Variants in CACNA1S observed in about 807,000 individuals in gnomAD.
CACNA1S encodes the protein voltage-dependent L-type calcium channel subunit alpha-1S.
Under a neutral mutation model 207.4 loss-of-function variants are expected in CACNA1S, and 126 were observed. The ratio of observed to expected loss-of-function variants is 0.61; its 90% CI spans 0.53 to 0.70. CACNA1S has a LOEUF of 0.70. Ranked by LOEUF, CACNA1S falls within the 30% of genes least tolerant of loss-of-function variation. The pLI is 0.00. For synonymous variants in CACNA1S, 960 were observed against 932.7 expected (o/e 1.03, Z -0.53); for missense variants, 2,349 against 2,422.8 (o/e 0.97, Z 0.64).
intron 10 of CACNA1S, among the ~76,000 whole-genome samples, chr1:201,081,004 C>T (rs1380574240): frequency 6.6e-6 from 1 of 152,180 alleles, no homozygotes; most frequent in Non-Finnish European, 1.5e-5. Context: ...TGATTTTTCA[C>T]TTGAGACATT....
At chr1:201,047,389 G>A (rs1660505017) in intron 37 of CACNA1S, 136 bp downstream of exon 37, 1 of 1,265,638 alleles carries the variant, frequency 7.9e-7, no homozygotes, top group Non-Finnish European at 1.1e-6. Context: ...CCTGAGGTTG[G>A]ATGCCCGTGG....
intron 32 of CACNA1S, 86 bp downstream of exon 32, chr1:201,052,471 C>CACA: frequency 9.3e-7 from 1 of 1,074,502 alleles, no homozygotes. Context: ...ACCCATGAAG[C>CACA]CAGCCCTGGC....
chr1:201,079,717 A>C (rs963980625), intron 10 of CACNA1S, among the ~76,000 whole-genome samples: 1 of 152,174 alleles, frequency 6.6e-6, no homozygotes, highest in Admixed American at 6.5e-5. Context: ...CAAACATTGA[A>C]AGGAACTGGC....
Position 201,112,213 on chromosome 1 carries a change from C to A in CACNA1S, c.127G>T (p.Ala43Ser). The change falls in exon 1 of 44, where the codon GCC becomes TCC. Residue 43 changes from alanine to serine, a missense_variant. Transcript: ENST00000362061. The stretch of plus-strand genomic sequence containing the variant: ...TTCCATTCTACAATGCTGATGCAGG[C>A]CTTCCTCAGGGGGTTCTCCAGGGTC... ...CLTLENPLRK[A>S]CISIVEWKPF... 6.2e-7 allele frequency: 1 copy of A among 1,613,934 alleles called. No individual in the cohort carries two copies. Among genetic ancestry groups the A allele is most frequent in the South Asian group, 1.1e-5 (1 of 91,082 alleles).
chr1:201,081,865 C>T (rs1367299647), intron 10 of CACNA1S, among the ~76,000 whole-genome samples: 3 of 152,158 alleles, frequency 2.0e-5, no homozygotes, highest in Non-Finnish European at 4.4e-5. Context: ...CTCCTGCTTT[C>T]GCCATGTGAC....
At position 201,075,360 on chromosome 1, in the gene CACNA1S, C is replaced by T. The variant is rs988096307; in HGVS notation, c.1948+135G>A. 2.7e-5 allele frequency: 26 copies of T among 961,060 alleles called. No homozygotes were observed. The Admixed American group carries it at 3.0e-4, about 11-fold the overall frequency. 59.5% of individuals were successfully genotyped at this position (961,060 alleles called of 1,614,324 possible). ...GCATTTGCTATGTCCTACCCCCTAC[C>T]GCATGGGCCTGGGAGCTCCCCTCCA... On this transcript the variant is annotated intron_variant, in intron 13 of 43. Transcript: ENST00000362061.
chr1:201,051,346 G>T (rs1000614023), intron 32 of CACNA1S, among the ~76,000 whole-genome samples: 4 of 152,186 alleles, frequency 2.6e-5, no homozygotes, highest in African/African-American at 9.7e-5. Context: ...CCCTCATGGG[G>T]TGTTACAAGC....
chr1:201,078,307 G>A (rs1044609725), intron 10 of CACNA1S, among the ~76,000 whole-genome samples: 4 of 151,942 alleles, frequency 2.6e-5, no homozygotes, highest in Admixed American at 1.3e-4. Flanking sequence ...CTGCAGCCTC[G>A]ACTTCCCAGG....
At chr1:201,076,342 C>T (rs913452744) in intron 12 of CACNA1S, among the ~76,000 whole-genome samples, 9 of 152,176 alleles carry the variant, frequency 5.9e-5, no homozygotes, top group Admixed American at 5.9e-4. Flanking sequence ...CTCACTGGTA[C>T]AAAAGGGAGG....
intron 36 of CACNA1S, among the ~76,000 whole-genome samples, chr1:201,047,865 A>AG (rs531120165): frequency 9.6e-4 from 146 of 152,268 alleles, no homozygotes; most frequent in Admixed American, 2.1e-3. Flanking sequence ...CAGTGCCCAG[A>AG]GTGGTTGGTT....
chr1:201,045,876 G>T (rs867396568), intron 38 of CACNA1S, among the ~76,000 whole-genome samples: 3 of 152,104 alleles, frequency 2.0e-5, no homozygotes, highest in Middle Eastern at 3.4e-3. Flanking sequence ...CTTGAAATAT[G>T]CATTAAAGTG....
Position 201,040,242 on chromosome 1 carries a change from G to T in CACNA1S, c.5359C>A (p.Leu1787Met). Reference sequence around the variant, plus strand: ...AGCCCCTGGCTCACCTTTTGGATCAGCAGGGCTGTAGCTGGTGCTGAGCAC... The same window carrying T: ...AGCCCCTGGCTCACCTTTTGGATCATCAGGGCTGTAGCTGGTGCTGAGCAC... ...SRCSAPATALLIQKALVRGGL... is the reference protein window; with the variant it reads ...SRCSAPATALMIQKALVRGGL... Residue 1787 changes from leucine to methionine, a missense_variant, in exon 43 of 44, where the codon CTG becomes ATG. Coordinates refer to ENST00000362061, the MANE Select transcript of CACNA1S (RefSeq NM_000069.3). 6.2e-7 allele frequency: 1 copy of T among 1,613,552 alleles called. No individual in the cohort carries two copies. The highest frequency in any genetic ancestry group is 8.5e-7 in the Non-Finnish European group (1 of 1,180,014).
At chr1:201,108,054 A>G (rs1286249884) in intron 2 of CACNA1S, among the ~76,000 whole-genome samples, 2 of 152,166 alleles carry the variant, frequency 1.3e-5, no homozygotes, top group Non-Finnish European at 2.9e-5. Flanking sequence ...GAAACAGTTA[A>G]GGGAGCCAAT....
chr1:201,046,206 G>A (rs1326583540), intron 38 of CACNA1S, among the ~76,000 whole-genome samples: 1 of 151,500 alleles, frequency 6.6e-6, no homozygotes, highest in Non-Finnish European at 1.5e-5. Context: ...TTTTGAGATG[G>A]AGTCTTACTC....
chr1:201,073,404 C>A, intron 15 of CACNA1S, 145 bp downstream of exon 15: 1 of 769,304 alleles, frequency 1.3e-6, no homozygotes, highest in South Asian at 1.4e-5. Context: ...GCTCTCCCTC[C>A]AGTCGTACGC....
At chr1:201,089,574 C>G in intron 5 of CACNA1S, 111 bp from the exon 6 acceptor site, 1 of 1,042,646 alleles carries the variant, frequency 9.6e-7, no homozygotes, top group South Asian at 1.4e-5. Flanking sequence ...TCTAAAGACA[C>G]TCTGCTGAAA....
intron 15 of CACNA1S, 107 bp from the exon 16 acceptor site, chr1:201,072,931 C>T: frequency 1.2e-6 from 1 of 854,238 alleles, no homozygotes; most frequent in Non-Finnish European, 2.0e-6. Context: ...TTAATCATCC[C>T]TACAGCCTAA....
intron 14 of CACNA1S, 88 bp downstream of exon 14, chr1:201,074,418 T>C: frequency 2.5e-6 from 2 of 803,966 alleles, no homozygotes; most frequent in Non-Finnish European, 4.3e-6. Context: ...ACCCTGATCA[T>C]TGGGTTACAG....
At chr1:201,101,627 G>A (rs757982279) in intron 2 of CACNA1S, among the ~76,000 whole-genome samples, 31 of 152,314 alleles carry the variant, frequency 2.0e-4, no homozygotes, top group Non-Finnish European at 7.4e-5. Flanking sequence ...TTTCAGGGCC[G>A]AGGCACACAC....
Sources: gnomAD v4.1 joint callset for allele counts (sites outside exome capture counted in the v4.1 genomes callset) on GRCh38, gnomAD v4.1.1 for gene constraint, MANE v1.5 for transcripts, NCBI Gene and HGNC (gene_info 2026-07-23, HGNC 2026-07-21) for gene names.